GRIP1: variants seen among roughly 807,000 people sequenced by gnomAD.
GRIP1 encodes glutamate receptor interacting protein 1.
In GRIP1, 45 loss-of-function variants were observed where a neutral mutation model predicts 129.9. The observed-to-expected ratio is 0.35, with a 90% CI of 0.27 to 0.44. GRIP1 has a LOEUF of 0.44. Ranked by LOEUF, GRIP1 falls within the 20% of genes least tolerant of loss-of-function variation. GRIP1 has a pLI of 1.00. For synonymous variants in GRIP1, 530 were observed against 520.8 expected (o/e 1.02, Z -0.24); for missense variants, 1,196 against 1,396.8 (o/e 0.86, Z 2.29).
At chr12:66,681,233 C>A (rs558020646), upstream of GRIP1, among the ~76,000 whole-genome samples, 10 of 152,058 alleles carry the variant, frequency 6.6e-5, no homozygotes, top group African/African-American at 2.4e-4. Flanking sequence ...AGAAAATGAA[C>A]GAATTCACCA....
intron 1 of GRIP1, among the ~76,000 whole-genome samples, chr12:66,777,345 CCT>C (rs150934998): frequency 1.3e-5 from 2 of 152,260 alleles, no homozygotes; most frequent in East Asian, 3.9e-4. Context: ...CACCCTTCCC[CCT>C]GAGATTCACC....
At chr12:66,876,553 T>G (rs149492659) in intron 1 of GRIP1, among the ~76,000 whole-genome samples, 1 of 152,212 alleles carries the variant, frequency 6.6e-6, no homozygotes, top group Non-Finnish European at 1.5e-5. Flanking sequence ...CTGATGAATA[T>G]AGCAGCTACA....
chr12:66,450,399 G>C (rs1346277669), intron 11 of GRIP1, among the ~76,000 whole-genome samples: 2 of 147,314 alleles, frequency 1.4e-5, no homozygotes, highest in Admixed American at 1.4e-4. Context: ...ATATAGTGAA[G>C]CCTTCTCAAA....
chr12:66,617,375 C>T (rs1313075051), intron 1 of GRIP1, among the ~76,000 whole-genome samples: 2 of 150,436 alleles, frequency 1.3e-5, no homozygotes, highest in African/African-American at 4.9e-5. Context: ...ATCTAATAGG[C>T]TTTAGTTCTT....
At chr12:66,530,173 T>C (rs1156908669) in intron 4 of GRIP1, among the ~76,000 whole-genome samples, 2 of 152,218 alleles carry the variant, frequency 1.3e-5, no homozygotes, top group African/African-American at 4.8e-5. Flanking sequence ...ATATAGTTCG[T>C]TTCTAGATAA....
At chr12:66,932,278 A>G (rs763448742) in intron 1 of GRIP1, among the ~76,000 whole-genome samples, 4 of 152,200 alleles carry the variant, frequency 2.6e-5, no homozygotes, top group African/African-American at 4.8e-5. Flanking sequence ...AGGAGCAACA[A>G]AAGTTGCAAC....
intron 1 of GRIP1, among the ~76,000 whole-genome samples, chr12:66,775,802 T>C (rs2037960179): frequency 6.6e-6 from 1 of 152,194 alleles, no homozygotes; most frequent in Non-Finnish European, 1.5e-5. Flanking sequence ...TATTCTGTGA[T>C]ATACTGATAG....
intron 1 of GRIP1, among the ~76,000 whole-genome samples, chr12:67,068,407 G>C (rs116048787): frequency 0.011 from 1,610 of 152,152 alleles, 25 homozygotes; most frequent in African/African-American, 0.037. Flanking sequence ...GACTGCGCTG[G>C]GGCATAACTC....
chr12:66,937,107 C>G (rs1442090877), intron 1 of GRIP1, among the ~76,000 whole-genome samples: 6 of 152,130 alleles, frequency 3.9e-5, no homozygotes, highest in African/African-American at 1.4e-4. Flanking sequence ...AGATTTGAGG[C>G]CTTCGCACTT....
intron 7 of GRIP1, among the ~76,000 whole-genome samples, chr12:66,514,398 T>C (rs2060785276): frequency 6.6e-6 from 1 of 152,136 alleles, no homozygotes; most frequent in Non-Finnish European, 1.5e-5. Flanking sequence ...CTAGTCCCCA[T>C]TTGACAAATA....
At chr12:66,588,286 C>T (rs1027627477) in intron 2 of GRIP1, among the ~76,000 whole-genome samples, 1 of 152,056 alleles carries the variant, frequency 6.6e-6, no homozygotes. Flanking sequence ...TGGTAGTTCG[C>T]CTCCTCGGTT....
chr12:66,713,903 A>C (rs1035820680), intron 1 of GRIP1, among the ~76,000 whole-genome samples: 8 of 152,042 alleles, frequency 5.3e-5, no homozygotes, highest in Admixed American at 2.6e-4. Flanking sequence ...ATAAATGGAA[A>C]CATTTTAAAA....
At chr12:66,887,834 C>A (rs2040591405) in intron 1 of GRIP1, among the ~76,000 whole-genome samples, 1 of 152,090 alleles carries the variant, frequency 6.6e-6, no homozygotes, top group South Asian at 2.1e-4. Flanking sequence ...TTCCTAGATG[C>A]ACCCTCCACC....
Position 66,594,694 on chromosome 12 carries a change from A to C in GRIP1, c.136+2153T>G, listed in dbSNP as rs193239645. Among the ~76,000 whole-genome samples the C allele has an allele frequency of 5.9e-5, 9 of 152,254 alleles. No homozygotes were observed. In the East Asian group the frequency reaches 1.7e-3, roughly 29 times the overall value. On this transcript the variant is annotated intron_variant, in intron 2 of 24. Transcript: ENST00000359742. ...TTTTCATTTGAAGCTCTGGTAAATA[A>C]TAAAGAGGATACATTTACTTGGCCT...
Position 66,820,389 on chromosome 12 carries a change from C to T in GRIP1, c.59-223462G>A, listed in dbSNP as rs149568835. 7.4e-4 allele frequency among the ~76,000 whole-genome samples: 113 copies of T among 152,322 alleles called. 1 individual carries two copies. In the East Asian group the frequency reaches 0.018, roughly 24 times the overall value. On this transcript the variant is annotated intron_variant, in intron 1 of 1. Transcript: ENST00000643019. ...GAGGATGTGGAGCAGCAGGAACTCT[C>T]ATTCATTGCTGATGGGAATGCAAAA...
At chr12:66,862,010 C>G (rs541973472) in intron 1 of GRIP1, among the ~76,000 whole-genome samples, 79 of 152,122 alleles carry the variant, frequency 5.2e-4, no homozygotes, top group African/African-American at 1.9e-3. Flanking sequence ...TCTCAGGTCT[C>G]ATGCAGTCTT....
intron 1 of GRIP1, among the ~76,000 whole-genome samples, chr12:67,019,814 A>G (rs1406109248): frequency 6.6e-6 from 1 of 152,078 alleles, no homozygotes; most frequent in Non-Finnish European, 1.5e-5. Flanking sequence ...ACACACACAC[A>G]CGCATACACA....
chr12:66,797,051 T>C (rs1482220594), intron 1 of GRIP1, among the ~76,000 whole-genome samples: 1 of 152,136 alleles, frequency 6.6e-6, no homozygotes, highest in Non-Finnish European at 1.5e-5. Flanking sequence ...AAAAGCTTTT[T>C]GGTTGTAAGA....
Position 66,782,423 on chromosome 12 carries a change from T to C in GRIP1, c.-420+21630A>G, listed in dbSNP as rs534238344. ...GGAGGCAATGAAGTTCCTGGGGAAA[T>C]AGAAGTGGTGAAAAACAAAAGGTCT... is the stretch of plus-strand genomic sequence containing the variant. On this transcript the variant is annotated intron_variant, in intron 1 of 4. Coordinates refer to the GRIP1 transcript ENST00000538373. Among the ~76,000 whole-genome samples, 131 of 152,220 alleles carry C rather than the reference T, an allele frequency of 8.6e-4. 1 individual carries two copies. The highest frequency in any genetic ancestry group is 3.1e-3 in the African/African-American group (129 of 41,534).
Sources: allele counts gnomAD v4.1 joint callset (sites outside exome capture counted in the v4.1 genomes callset), GRCh38; gene constraint gnomAD v4.1.1; transcripts MANE v1.5; gene names NCBI Gene and HGNC (gene_info 2026-07-23, HGNC 2026-07-21).